MINDY2: variants seen among roughly 807,000 people sequenced by gnomAD.
MINDY2 encodes the protein ubiquitin carboxyl-terminal hydrolase MINDY-2.
MINDY2 carries 52 observed loss-of-function variants against 68.2 expected under a neutral mutation model. That is an observed-to-expected ratio of 0.76 (90% CI 0.61 to 0.96). MINDY2 has a LOEUF of 0.96. MINDY2 is among the 40% of genes least tolerant of loss of function. The pLI, the probability that MINDY2 is intolerant of heterozygous loss-of-function variation, is 0.00. For synonymous variants in MINDY2, 372 were observed against 303.0 expected (o/e 1.23, Z -2.36); for missense variants, 881 against 773.4 (o/e 1.14, Z -1.65).
chr15:58,802,464 T>TA (rs1203386410), intron 3 of MINDY2, 87 bp downstream of exon 3: 3 of 828,902 alleles, frequency 3.6e-6, no homozygotes, highest in Non-Finnish European at 5.6e-6. Flanking sequence ...CATTTTTCTA[T>TA]AAAGGATTAG....
intron 6 of MINDY2, among the ~76,000 whole-genome samples, chr15:58,836,470 A>T (rs1411747381): frequency 6.6e-6 from 1 of 151,960 alleles, no homozygotes; most frequent in Admixed American, 6.6e-5. Flanking sequence ...TTCTTCAGGG[A>T]TCCTATGGGC....
At chr15:58,785,161 A>AAG (rs1901410415) in intron 1 of MINDY2, among the ~76,000 whole-genome samples, 1 of 144,028 alleles carries the variant, frequency 6.9e-6, no homozygotes, top group Non-Finnish European at 1.5e-5. Flanking sequence ...AAAAAAAAGA[A>AAG]AAGCAAGCTT....
At chr15:58,850,975 T>G (rs1178711185) in intron 7 of MINDY2, among the ~76,000 whole-genome samples, 1 of 152,062 alleles carries the variant, frequency 6.6e-6, no homozygotes, top group Non-Finnish European at 1.5e-5. Flanking sequence ...ATTCCCCCAA[T>G]TTTTTGTTTT....
chr15:58,827,622 GC>G (rs2031480388), intron 5 of MINDY2, among the ~76,000 whole-genome samples: 1 of 151,884 alleles, frequency 6.6e-6, no homozygotes, highest in Non-Finnish European at 1.5e-5. Context: ...CGCCACCACG[GC>G]CGGCTAATTT....
chr15:58,791,620 A>ATGTGTGTGTG (rs1491325995), intron 2 of MINDY2, among the ~76,000 whole-genome samples: 72 of 80,844 alleles, frequency 8.9e-4, no homozygotes, highest in Non-Finnish European at 1.0e-3. Flanking sequence ...CTGTCTCAAA[A>ATGTGTGTGTG]TATGTGTGTG....
intron 4 of MINDY2, among the ~76,000 whole-genome samples, chr15:58,811,650 C>G (rs561834961): frequency 2.6e-5 from 4 of 152,288 alleles, no homozygotes; most frequent in African/African-American, 9.6e-5. Context: ...TATGGCCCAG[C>G]AGGGAAAGAG....
chr15:58,793,949 A>G (rs1902101802), intron 2 of MINDY2, among the ~76,000 whole-genome samples: 1 of 152,152 alleles, frequency 6.6e-6, no homozygotes, highest in Non-Finnish European at 1.5e-5. Flanking sequence ...ACCAGCCAGC[A>G]TGGTGTTATG....
chr15:58,790,610 A>G (rs1901825063), intron 2 of MINDY2, among the ~76,000 whole-genome samples: 1 of 152,182 alleles, frequency 6.6e-6, no homozygotes, highest in South Asian at 2.1e-4. Context: ...CAAGTGGGAA[A>G]ACTATTTAGG....
At chr15:58,781,834 G>A (rs929698771) in intron 1 of MINDY2, among the ~76,000 whole-genome samples, 14 of 151,966 alleles carry the variant, frequency 9.2e-5, no homozygotes, top group African/African-American at 3.1e-4. Flanking sequence ...CCCAGGAGAC[G>A]GAGTTTGCAG....
intron 3 of MINDY2, among the ~76,000 whole-genome samples, chr15:58,809,533 C>A (rs1006869019): frequency 1.8e-4 from 28 of 152,080 alleles, no homozygotes; most frequent in African/African-American, 6.8e-4. Context: ...CGTGGGTGTA[C>A]AACTATCTCT....
At chr15:58,823,915 T>C (rs1386830335) in intron 5 of MINDY2, among the ~76,000 whole-genome samples, 4 of 152,218 alleles carry the variant, frequency 2.6e-5, no homozygotes, top group Non-Finnish European at 4.4e-5. Flanking sequence ...TTACCATAGA[T>C]AATTACTAAA....
intron 7 of MINDY2, among the ~76,000 whole-genome samples, chr15:58,851,169 G>T (rs655312): frequency 0.96 from 145,629 of 151,918 alleles, 70,025 homozygotes; most frequent in East Asian, 1. Flanking sequence ...AGACGGGGTT[G>T]TACCATGTTG....
At chr15:58,843,922 T>C (rs1391991844) in intron 6 of MINDY2, among the ~76,000 whole-genome samples, 1 of 151,990 alleles carries the variant, frequency 6.6e-6, no homozygotes, top group African/African-American at 2.4e-5. Flanking sequence ...TTTAATAATA[T>C]TTTATAAATT....
intron 7 of MINDY2, among the ~76,000 whole-genome samples, chr15:58,847,737 T>C (rs1400984348): frequency 6.6e-6 from 1 of 152,230 alleles, no homozygotes; most frequent in East Asian, 1.9e-4. Flanking sequence ...TGTCAAGTAT[T>C]AAACACAGAA....
In MINDY2 at chr15:58,861,477, C is replaced by T. The variant is rs1373877739; in HGVS notation, c.*6867C>T. 1 of 152,048 alleles carries T rather than the reference C, an allele frequency of 6.6e-6. No homozygotes were observed. The highest frequency in any genetic ancestry group is 1.5e-5 in the Non-Finnish European group (1 of 68,032). The allele number at this position is 152,048 out of a possible 1,614,324, so 9.4% of individuals were successfully genotyped here. ...ATTTCAATTGAGGAATAATAACAAC[C>T]CTAGAGATTCATAGGAAAGAGCATT... On this transcript the variant is annotated 3_prime_UTR_variant, in exon 9 of 9. Coordinates refer to ENST00000559228, the MANE Select transcript of MINDY2 (RefSeq NM_001040450.3).
rs1437061708 is a variant in MINDY2, at chr15:58,857,511, G to A, written c.*2901G>A. On this transcript the variant is annotated 3_prime_UTR_variant, in exon 9 of 9. Coordinates refer to ENST00000559228, the MANE Select transcript of MINDY2 (RefSeq NM_001040450.3). ...ATAGCACCACTGCATGCAAGCCTGG[G>A]CAATAGAGCGAGACTCCGTCTCAAA... The A allele has an allele frequency of 8.6e-6, 1 of 115,828 alleles. No individual in the cohort carries two copies. Among genetic ancestry groups the A allele is most frequent in the Non-Finnish European group, 1.6e-5 (1 of 61,166 alleles). 7.2% of individuals were successfully genotyped at this position (115,828 alleles called of 1,614,324 possible).
intron 1 of MINDY2, among the ~76,000 whole-genome samples, chr15:58,778,810 C>CTTT (rs1182523003): frequency 2.2e-4 from 25 of 114,362 alleles, no homozygotes; most frequent in African/African-American, 4.9e-4. Flanking sequence ...TTCTTTTTTT[C>CTTT]TTTTTTTTTT....
chr15:58,823,200 C>T (rs529528659), intron 5 of MINDY2, among the ~76,000 whole-genome samples: 5 of 148,346 alleles, frequency 3.4e-5, no homozygotes, highest in East Asian at 2.0e-4. Flanking sequence ...TGCAATGGCG[C>T]GATCTCAGCT....
At chr15:58,792,381 G>A (rs550295128) in intron 2 of MINDY2, among the ~76,000 whole-genome samples, 1 of 152,224 alleles carries the variant, frequency 6.6e-6, no homozygotes, top group Non-Finnish European at 1.5e-5. Context: ...GCCAAGGCAG[G>A]TGGATCACAA....
Sources: gnomAD v4.1 joint callset for allele counts (sites outside exome capture counted in the v4.1 genomes callset) on GRCh38, gnomAD v4.1.1 for gene constraint, MANE v1.5 for transcripts, NCBI Gene and HGNC (gene_info 2026-07-23, HGNC 2026-07-21) for gene names.